ZC3HC1: variants seen among roughly 807,000 people sequenced by gnomAD.
ZC3HC1 encodes zinc finger C3HC-type protein 1.
A neutral mutation model predicts 61.9 loss-of-function variants in ZC3HC1; 38 were observed. The observed-to-expected ratio is 0.61, with a 90% CI of 0.47 to 0.81. ZC3HC1 has a LOEUF of 0.81. Among genes scored for constraint, ZC3HC1 ranks in the 30% least tolerant of loss-of-function variants. ZC3HC1 has a pLI of 0.00. For synonymous variants in ZC3HC1, 213 were observed against 229.9 expected, an observed-to-expected ratio of 0.93 and a Z score of 0.67; for missense variants, 554 against 622.7, an observed-to-expected ratio of 0.89 and a Z score of 1.17.
intron 4 of ZC3HC1, among the ~76,000 whole-genome samples, chr7:130,030,422 A>G (rs1199366736): frequency 1.3e-5 from 2 of 151,756 alleles, no homozygotes; most frequent in Non-Finnish European, 2.9e-5. Flanking sequence ...CTGATCTTTA[A>G]CTCTTGGCCT....
chr7:130,050,358 G>A (rs757624155), intron 1 of ZC3HC1: 52 of 1,462,364 alleles, frequency 3.6e-5, no homozygotes, highest in Non-Finnish European at 4.4e-5. Flanking sequence ...GATTATAGGC[G>A]TGAGCCACCG....
intron 6 of ZC3HC1, among the ~76,000 whole-genome samples, chr7:130,025,870 C>CAAGAA (rs1554451499): frequency 1.7e-5 from 1 of 58,580 alleles, no homozygotes; most frequent in African/African-American, 7.7e-5. Flanking sequence ...GACTCCGTCT[C>CAAGAA]AAAAAAAAAA....
chr7:130,021,989 A>G (rs984186536), intron 9 of ZC3HC1, among the ~76,000 whole-genome samples: 1 of 152,112 alleles, frequency 6.6e-6, no homozygotes, highest in African/African-American at 2.4e-5. Flanking sequence ...AGCCTGGCCA[A>G]CATGGTGAAA....
At chr7:130,021,190 G>A (rs1190312874) in intron 9 of ZC3HC1, among the ~76,000 whole-genome samples, 4 of 152,074 alleles carry the variant, frequency 2.6e-5, no homozygotes, top group Non-Finnish European at 4.4e-5. Context: ...ACAGGCGTGA[G>A]CCACCACACC....
chr7:130,026,067 A>G, intron 6 of ZC3HC1, 91 bp downstream of exon 6: 2 of 1,411,534 alleles, frequency 1.4e-6, no homozygotes. Context: ...GGGAAACACC[A>G]TGTGATTTCT....
Position 130,040,944 on chromosome 7 carries a change from T to C in ZC3HC1, c.409+7A>G, listed in dbSNP as rs374679327. Reference sequence around the variant, plus strand: ...GGAGAAAAATGTAATTTGTACCTTATACTTACATCTGTCAAAGTCAAAAGC... The same window carrying C: ...GGAGAAAAATGTAATTTGTACCTTACACTTACATCTGTCAAAGTCAAAAGC... On this transcript the variant is annotated splice_region_variant and intron_variant, in intron 3 of 9. Transcript: ENST00000358303. The C allele has an allele frequency of 8.7e-6, 14 of 1,608,202 alleles. 1 individual carries two copies. The Middle Eastern group carries it at 1.2e-3, about 133-fold the overall frequency.
At chr7:130,045,890 CAAAAAAAAAAA>C (rs59500095) in intron 2 of ZC3HC1, among the ~76,000 whole-genome samples, 1 of 38,590 alleles carries the variant, frequency 2.6e-5, no homozygotes, top group African/African-American at 9.0e-5. Flanking sequence ...GACTCCATCT[CAAAAAAAAAAA>C]AAAAAAAAAA....
At chr7:130,041,964 G>A (rs1794692783) in intron 2 of ZC3HC1, among the ~76,000 whole-genome samples, 1 of 152,160 alleles carries the variant, frequency 6.6e-6, no homozygotes, top group African/African-American at 2.4e-5. Flanking sequence ...GAGGGGAAAA[G>A]TTATTAACTT....
At chr7:130,049,398 T>C (rs771707553) in intron 1 of ZC3HC1, among the ~76,000 whole-genome samples, 1 of 152,206 alleles carries the variant, frequency 6.6e-6, no homozygotes. Flanking sequence ...CTTCAATTTC[T>C]ACCTCTACAG....
intron 4 of ZC3HC1, among the ~76,000 whole-genome samples, chr7:130,033,524 C>T (rs181483193): frequency 4.2e-4 from 62 of 146,054 alleles, no homozygotes; most frequent in Middle Eastern, 3.8e-3. Context: ...ACGATCCCGG[C>T]TCACTGCAAC....
chr7:130,045,778 G>C (rs979224832), intron 2 of ZC3HC1, among the ~76,000 whole-genome samples: 1 of 150,436 alleles, frequency 6.6e-6, no homozygotes, highest in Non-Finnish European at 1.5e-5. Flanking sequence ...GTAATCCCAG[G>C]TACTTGGGAG....
intron 4 of ZC3HC1, among the ~76,000 whole-genome samples, chr7:130,036,106 T>C (rs1215815532): frequency 6.6e-6 from 1 of 151,884 alleles, no homozygotes; most frequent in Non-Finnish European, 1.5e-5. Flanking sequence ...TGAAGAGTAA[T>C]ATGCCTGTTT....
intron 4 of ZC3HC1, among the ~76,000 whole-genome samples, chr7:130,030,911 G>T (rs376196284): frequency 6.7e-6 from 1 of 148,278 alleles, no homozygotes; most frequent in Non-Finnish European, 1.5e-5. Flanking sequence ...CTCATGATCC[G>T]CCTGCCTCGG....
chr7:130,027,663 A>G (rs1242084713), intron 5 of ZC3HC1, among the ~76,000 whole-genome samples: 1 of 152,060 alleles, frequency 6.6e-6, no homozygotes, highest in East Asian at 2.0e-4. Context: ...GACTACAGGC[A>G]TAAACTACCA....
intron 1 of ZC3HC1, chr7:130,050,443 T>C: frequency 1.3e-6 from 2 of 1,530,108 alleles, no homozygotes; most frequent in Non-Finnish European, 1.7e-6. Context: ...ATAAACTTAC[T>C]CTAAGACTCT....
chr7:130,032,776 G>GGGAA, intron 4 of ZC3HC1, among the ~76,000 whole-genome samples: 4 of 116,358 alleles, frequency 3.4e-5, no homozygotes, highest in African/African-American at 6.6e-5. Context: ...AAGGAGGGAA[G>GGGAA]GGAGGGAGGG....
rs904313485 is a variant in ZC3HC1, at chr7:130,026,229, T to C, written c.705A>G (p.Thr235=). ...LDHRTDERKT[T]IKLGSDIQVH... ...CTTGGATGTCTGAGCCTAATTTGAT[T>C]GTAGTTTTTCTCTCATCAGTTCGGT... The change falls in exon 6 of 10, where the codon ACA becomes ACG. Residue 235 remains threonine (T), a synonymous_variant. Transcript: ENST00000358303. 4.3e-6 allele frequency: 7 copies of C among 1,614,104 alleles called. No individual in the cohort carries two copies.
chr7:130,029,163 G>T (rs1794067118), intron 4 of ZC3HC1, 134 bp from the exon 5 acceptor site: 1 of 1,001,056 alleles, frequency 1.0e-6, no homozygotes, highest in African/African-American at 1.7e-5. Flanking sequence ...CTGAGGTCAG[G>T]AGTTCAAGAC....
intron 4 of ZC3HC1, among the ~76,000 whole-genome samples, chr7:130,031,954 A>G (rs941856546): frequency 7.2e-5 from 11 of 152,180 alleles, no homozygotes; most frequent in African/African-American, 2.4e-4. Flanking sequence ...GGCCGGGCAC[A>G]GTGGCTCACG....
Sources: gnomAD v4.1 joint callset for allele counts (sites outside exome capture counted in the v4.1 genomes callset) on GRCh38, gnomAD v4.1.1 for gene constraint, MANE v1.5 for transcripts, NCBI Gene and HGNC (gene_info 2026-07-23, HGNC 2026-07-21) for gene names.